MPRIP: variants seen among roughly 807,000 people sequenced by gnomAD.
MPRIP encodes myosin phosphatase Rho-interacting protein.
MPRIP carries 59 observed loss-of-function variants against 234.9 expected under a neutral mutation model. That is an observed-to-expected ratio of 0.25 (90% CI 0.20 to 0.31). MPRIP has a LOEUF of 0.31. Among genes scored for constraint, MPRIP ranks in the 10% least tolerant of loss-of-function variants. MPRIP has a pLI of 1.00. For missense variants in MPRIP, 2,436 were observed against 3,071.0 expected, an observed-to-expected ratio of 0.79 and a Z score of 4.89; for synonymous variants, 1,144 against 1,263.9, an observed-to-expected ratio of 0.91 and a Z score of 2.01.
At chr17:17,093,090 C>T (rs905453978) in intron 3 of MPRIP, among the ~76,000 whole-genome samples, 2 of 152,212 alleles carry the variant, frequency 1.3e-5, no homozygotes, top group African/African-American at 2.4e-5. Flanking sequence ...CGGGTGGCAA[C>T]GGCCATGCTG....
At position 17,165,105 on chromosome 17, in the gene MPRIP, C is replaced by T. The variant is rs770991953; in HGVS notation, c.3514C>T (p.Arg1172Cys). ...GAGAGAGAAGGAGGAAGAGCTGGAG[C>T]GCATTAAGGAAGCACATGAGAAGGT... ...LLREKEEELE[R>C]IKEAHEKVLE... The change falls in exon 16 of 24, where the codon CGC becomes TGC. Residue 1172 changes from arginine (R) to cysteine (C), a missense_variant. Arg to Cys is a radical substitution (Grantham distance 180, BLOSUM62 -3). Transcript: ENST00000651222. 8.4e-5 allele frequency: 109 copies of T among 1,303,812 alleles called. No individual in the cohort carries two copies. Among genetic ancestry groups the T allele is most frequent in the Admixed American group, 4.1e-4 (18 of 43,534 alleles). 80.8% of individuals were successfully genotyped at this position (1,303,812 alleles called of 1,614,324 possible).
intron 3 of MPRIP, among the ~76,000 whole-genome samples, chr17:17,090,940 G>A (rs1385652644): frequency 6.6e-6 from 1 of 151,120 alleles, no homozygotes; most frequent in African/African-American, 2.4e-5. Context: ...AGGATAAACT[G>A]GAGCAGGTAT....
intron 18 of MPRIP, 125 bp downstream of exon 18, chr17:17,172,940 G>T: frequency 1.3e-6 from 1 of 750,324 alleles, no homozygotes; most frequent in Non-Finnish European, 2.2e-6. Context: ...GCCCCTGGGT[G>T]CTGAGGGCAG....
At chr17:17,083,305 G>A (rs534135351) in intron 3 of MPRIP, among the ~76,000 whole-genome samples, 10 of 152,222 alleles carry the variant, frequency 6.6e-5, no homozygotes, top group Non-Finnish European at 1.3e-4. Context: ...TGGGGTGCCT[G>A]TGTACTTGTG....
chr17:17,138,081 G>A lies in MPRIP; in HGVS notation c.902G>A (p.Ser301Asn), dbSNP rs1185759960. Residue 301 changes from serine to asparagine, a missense_variant, in exon 7 of 24, where the codon AGT becomes AAT. Coordinates refer to ENST00000651222, the MANE Select transcript of MPRIP (RefSeq NM_001364716.4). This position sits in a 1 kb window ranked among gnomAD's most constrained non-coding sequence, Gnocchi z 5.8. Reference sequence around the variant, plus strand: ...CCCAGCACCCCCAACCACAGGTACAGTTGCCCCGAGTCGCCCTCCCAGGAG... The same window carrying A: ...CCCAGCACCCCCAACCACAGGTACAATTGCCCCGAGTCGCCCTCCCAGGAG... ...PSPSTPNHRY[S>N]CPESPSQELG... is the part of the protein sequence containing the mutation. 1 of 1,565,622 alleles carries A rather than the reference G, an allele frequency of 6.4e-7. No individual in the cohort carries two copies. The highest frequency in any genetic ancestry group is 8.6e-7 in the Non-Finnish European group (1 of 1,156,174).
chr17:17,185,105 T>A lies in MPRIP; in HGVS notation c.*211T>A, dbSNP rs2046450093. 2.3e-6 allele frequency: 1 copy of A among 433,898 alleles called. No individual in the cohort carries two copies. Among genetic ancestry groups the A allele is most frequent in the Non-Finnish European group, 4.3e-6 (1 of 230,040 alleles). 26.9% of individuals were successfully genotyped at this position (433,898 alleles called of 1,614,324 possible). A position where few individuals can be genotyped will look rare whatever the true frequency, so the allele number is the denominator to read the frequency against. On this transcript the variant is annotated 3_prime_UTR_variant, in exon 24 of 24. Transcript: ENST00000651222. ...GACTTCCTGTTGTCTTCATCAAAGC[T>A]TTTTTCCGTGGTATTCTAAAATTAG... is the stretch of plus-strand genomic sequence containing the variant.
intron 3 of MPRIP, among the ~76,000 whole-genome samples, chr17:17,114,812 C>T (rs1031207816): frequency 6.6e-6 from 1 of 152,082 alleles, no homozygotes; most frequent in Admixed American, 6.5e-5. Flanking sequence ...TGGCGGGGGC[C>T]CTGGTATCTC....
chr17:17,115,449 C>G (rs2090265365), intron 3 of MPRIP, among the ~76,000 whole-genome samples: 1 of 152,196 alleles, frequency 6.6e-6, no homozygotes. Flanking sequence ...GGGAGGCGAG[C>G]TCTTTCTCGT....
intron 1 of MPRIP, among the ~76,000 whole-genome samples, chr17:17,073,605 G>A (rs58555197): frequency 0.015 from 2,353 of 152,270 alleles, 78 homozygotes; most frequent in African/African-American, 0.053. Context: ...ACTTGTGGCC[G>A]GTGAGAGGCC....
intron 3 of MPRIP, among the ~76,000 whole-genome samples, chr17:17,088,525 C>T (rs2089643942): frequency 2.0e-5 from 3 of 152,196 alleles, no homozygotes; most frequent in Admixed American, 1.3e-4. Flanking sequence ...AAAGCAAAGC[C>T]ACATGGCTGG....
intron 1 of MPRIP, among the ~76,000 whole-genome samples, chr17:17,053,001 C>T (rs1188020828): frequency 6.6e-6 from 1 of 152,074 alleles, no homozygotes; most frequent in Non-Finnish European, 1.5e-5. Flanking sequence ...GGAGCCCCAG[C>T]TGAGCCAGAG....
At chr17:17,099,909 G>A (rs1034385139) in intron 3 of MPRIP, among the ~76,000 whole-genome samples, 3 of 152,144 alleles carry the variant, frequency 2.0e-5, no homozygotes, top group African/African-American at 4.8e-5. Flanking sequence ...TATACATTTT[G>A]TGAAAATAGG....
intron 3 of MPRIP, among the ~76,000 whole-genome samples, chr17:17,093,080 C>T (rs4606773): frequency 0.082 from 12,428 of 152,194 alleles, 718 homozygotes; most frequent in East Asian, 0.16. Flanking sequence ...TTTGGATAAA[C>T]GGGTGGCAAC....
At chr17:17,083,868 C>T (rs1310699016) in intron 3 of MPRIP, among the ~76,000 whole-genome samples, 2 of 152,142 alleles carry the variant, frequency 1.3e-5, no homozygotes, top group Non-Finnish European at 1.5e-5. Flanking sequence ...TTCAGCCTCC[C>T]GAGTAGCTGG....
At chr17:17,086,519 G>T (rs753333012) in intron 3 of MPRIP, among the ~76,000 whole-genome samples, 5 of 152,344 alleles carry the variant, frequency 3.3e-5, no homozygotes, top group Non-Finnish European at 5.9e-5. Flanking sequence ...CAGGGAGTTG[G>T]TGGGATAATA....
intron 1 of MPRIP, among the ~76,000 whole-genome samples, chr17:17,046,590 A>G (rs1462000798): frequency 1.3e-5 from 2 of 152,164 alleles, no homozygotes; most frequent in African/African-American, 2.4e-5. Flanking sequence ...AGCCTTTTTT[A>G]TAGTATTTAC....
At chr17:17,121,109 A>G (rs995409035) in intron 3 of MPRIP, among the ~76,000 whole-genome samples, 4 of 152,202 alleles carry the variant, frequency 2.6e-5, no homozygotes, top group African/African-American at 9.7e-5. Flanking sequence ...CCTTAAATCA[A>G]AATTACAGTT....
At chr17:17,108,034 T>C (rs1345030218) in intron 3 of MPRIP, among the ~76,000 whole-genome samples, 1 of 152,198 alleles carries the variant, frequency 6.6e-6, no homozygotes, top group Non-Finnish European at 1.5e-5. Context: ...ATAGAGCAGT[T>C]GCCTGACACA....
intron 3 of MPRIP, among the ~76,000 whole-genome samples, chr17:17,090,865 G>T (rs1368308165): frequency 6.6e-6 from 1 of 152,178 alleles, no homozygotes; most frequent in Non-Finnish European, 1.5e-5. Flanking sequence ...CTGGGGCCCA[G>T]ACACGCCCTA....
Sources: allele counts gnomAD v4.1 joint callset (sites outside exome capture counted in the v4.1 genomes callset), GRCh38; gene constraint gnomAD v4.1.1; non-coding constraint Gnocchi (gnomAD v3.1); transcripts MANE v1.5; gene names NCBI Gene and HGNC (gene_info 2026-07-23, HGNC 2026-07-21).